The following TTC29 variants were observed in gnomAD, a reference collection of about 807,000 sequenced individuals.
The protein encoded by TTC29 is tetratricopeptide repeat protein 29.
Under a neutral mutation model 58.1 loss-of-function variants are expected in TTC29, and 49 were observed. That is an observed-to-expected ratio of 0.84 (90% CI 0.67 to 1.07). TTC29 has a LOEUF of 1.07. Ranked by LOEUF, TTC29 falls within the 50% of genes least tolerant of loss-of-function variation. TTC29 has a pLI of 0.00. For synonymous variants in TTC29, 209 were observed against 196.8 expected, an observed-to-expected ratio of 1.06 and a Z score of -0.52; for missense variants, 582 against 555.6, an observed-to-expected ratio of 1.05 and a Z score of -0.48.
At chr4:146,858,903 A>G (rs1257685020) in intron 8 of TTC29, among the ~76,000 whole-genome samples, 1 of 152,112 alleles carries the variant, frequency 6.6e-6, no homozygotes, top group Non-Finnish European at 1.5e-5. Context: ...TTGTCCTCTC[A>G]CTCCAAAGAG....
At chr4:146,715,797 A>T (rs1173288729) in intron 11 of TTC29, among the ~76,000 whole-genome samples, 1 of 152,180 alleles carries the variant, frequency 6.6e-6, no homozygotes, top group Non-Finnish European at 1.5e-5. Context: ...GAAATGATAA[A>T]TGTTTGAGGT....
At chr4:146,925,380 T>C (rs1345179435) in intron 4 of TTC29, among the ~76,000 whole-genome samples, 7 of 152,132 alleles carry the variant, frequency 4.6e-5, no homozygotes, top group African/African-American at 1.7e-4. Context: ...AGTTCTACTA[T>C]CAGAAGCACA....
intron 10 of TTC29, among the ~76,000 whole-genome samples, chr4:146,816,872 T>G (rs1165410567): frequency 1.3e-5 from 2 of 152,166 alleles, no homozygotes; most frequent in Non-Finnish European, 2.9e-5. Context: ...TAAAGTCAAT[T>G]TTATGGCAAA....
At chr4:146,781,014 A>G (rs1030601426) in intron 11 of TTC29, among the ~76,000 whole-genome samples, 2 of 152,092 alleles carry the variant, frequency 1.3e-5, no homozygotes, top group Admixed American at 6.6e-5. Context: ...CATAACATAA[A>G]GTACACAAGA....
At chr4:146,769,518 T>C (rs1747565252) in intron 11 of TTC29, among the ~76,000 whole-genome samples, 2 of 151,974 alleles carry the variant, frequency 1.3e-5, no homozygotes, top group Admixed American at 6.6e-5. Flanking sequence ...TAAGCATATA[T>C]TTTTTATGCC....
At chr4:146,891,378 G>C (rs550786763) in intron 6 of TTC29, among the ~76,000 whole-genome samples, 19 of 152,200 alleles carry the variant, frequency 1.2e-4, no homozygotes, top group African/African-American at 4.6e-4. Context: ...GCTATAGGTA[G>C]CACATAACCT....
In TTC29 at chr4:146,902,231, G is replaced by A. The variant is rs115302482; in HGVS notation, c.586+1313C>T. On this transcript the variant is annotated intron_variant, in intron 6 of 12. Coordinates refer to ENST00000325106, the MANE Select transcript of TTC29 (RefSeq NM_031956.4). ...TATCACACTCCTTTCCTTGCCCTCC[G>A]TGTACAGAAGCTTAAGTCCAAGCTC... Among the ~76,000 whole-genome samples the A allele has an allele frequency of 4.3e-3, 655 of 151,888 alleles. 6 individuals carry two copies. Among genetic ancestry groups the A allele is most frequent in the African/African-American group, 0.014 (587 of 41,420 alleles).
chr4:146,936,568 A>T lies in TTC29; in HGVS notation c.176+1026T>A, dbSNP rs564065762. ...GCCAAAAATCCCACGTACCATATAC[A>T]TGGTAGTCTATAGAGCTCTGCAGAA... On this transcript the variant is annotated intron_variant, in intron 4 of 12. Coordinates refer to ENST00000325106, the MANE Select transcript of TTC29 (RefSeq NM_031956.4). Among the ~76,000 whole-genome samples, 6 of 152,284 alleles carry T rather than the reference A, an allele frequency of 3.9e-5. No individual in the cohort carries two copies. The East Asian group carries it at 1.2e-3, about 29-fold the overall frequency.
chr4:146,898,886 C>A (rs1486870653), intron 6 of TTC29, among the ~76,000 whole-genome samples: 1 of 152,190 alleles, frequency 6.6e-6, no homozygotes, highest in South Asian at 2.1e-4. Flanking sequence ...TCCAGTCTAG[C>A]CCCTCACAAA....
At chr4:146,834,821 T>C (rs942069776) in intron 8 of TTC29, among the ~76,000 whole-genome samples, 1 of 152,164 alleles carries the variant, frequency 6.6e-6, no homozygotes, top group Non-Finnish European at 1.5e-5. Context: ...AGGGTTGATA[T>C]TTTATTTGCT....
rs546210099 is a variant in TTC29 at position 146,753,422 on chromosome 4, G to A, written c.1331-45871C>T. Among the ~76,000 whole-genome samples, 13 of 152,234 alleles carry A rather than the reference G, an allele frequency of 8.5e-5. No homozygotes were observed. The East Asian group carries it at 2.3e-3, about 27-fold the overall frequency. On this transcript the variant is annotated intron_variant, in intron 11 of 12. Transcript: ENST00000325106. ...AAACAACAGGTGCTGGAGAAGATGT[G>A]GAGAAATAGGAACACTTTTACACTG...
rs1011235817 is a variant in TTC29 at position 146,777,447 on chromosome 4, C to G, written c.1330+26010G>C. Among the ~76,000 whole-genome samples, 8 of 151,772 alleles carry G rather than the reference C, an allele frequency of 5.3e-5. No individual in the cohort carries two copies. In the South Asian group the frequency reaches 1.7e-3, roughly 32 times the overall value. On this transcript the variant is annotated intron_variant, in intron 11 of 12. Coordinates refer to ENST00000325106, the MANE Select transcript of TTC29 (RefSeq NM_031956.4). ...ATCATTTTTATTTGTGTGTTCTGGA[C>G]ACATTTATTAGACAAAAATGTCTAT...
chr4:146,878,840 G>A (rs1731437838), intron 6 of TTC29, among the ~76,000 whole-genome samples: 1 of 152,124 alleles, frequency 6.6e-6, no homozygotes, highest in African/African-American at 2.4e-5. Context: ...TATATAACCA[G>A]CTATATCTGA....
At chr4:146,851,573 A>G (rs1026212035) in intron 8 of TTC29, among the ~76,000 whole-genome samples, 2 of 152,216 alleles carry the variant, frequency 1.3e-5, no homozygotes, top group Admixed American at 6.5e-5. Context: ...CCTTGCATTT[A>G]CTGAGTTGCT....
chr4:146,875,841 T>C (rs1348610887), intron 6 of TTC29, among the ~76,000 whole-genome samples: 1 of 152,222 alleles, frequency 6.6e-6, no homozygotes, highest in Non-Finnish European at 1.5e-5. Context: ...TGTAAGTAAT[T>C]TCTTTCCTTA....
intron 11 of TTC29, among the ~76,000 whole-genome samples, chr4:146,796,446 G>A (rs1432671348): frequency 6.6e-6 from 1 of 152,074 alleles, no homozygotes; most frequent in Non-Finnish European, 1.5e-5. Context: ...GAGAATTTTT[G>A]TCCATAGGGA....
chr4:146,934,318 G>C (rs942215979), intron 4 of TTC29: 2 of 152,182 alleles, frequency 1.3e-5, no homozygotes, highest in South Asian at 2.1e-4. Context: ...ATGGATTAGA[G>C]GGGGGTAGCA....
intron 11 of TTC29, among the ~76,000 whole-genome samples, chr4:146,733,931 T>G (rs879297311): frequency 6.6e-6 from 1 of 152,134 alleles, no homozygotes; most frequent in African/African-American, 2.4e-5. Context: ...GTAGCCAGAA[T>G]AGCATCAATG....
intron 6 of TTC29, among the ~76,000 whole-genome samples, chr4:146,886,882 C>T (rs535464118): frequency 2.0e-4 from 30 of 152,134 alleles, no homozygotes; most frequent in Middle Eastern, 3.4e-3. Context: ...TTTATTCAGC[C>T]TTAAAAAAGA....
Sources: gnomAD v4.1 joint callset for allele counts (sites outside exome capture counted in the v4.1 genomes callset) on GRCh38, gnomAD v4.1.1 for gene constraint, MANE v1.5 for transcripts, NCBI Gene and HGNC (gene_info 2026-07-23, HGNC 2026-07-21) for gene names.